FBXL7: variants seen among roughly 807,000 people sequenced by gnomAD.
The protein encoded by FBXL7 is F-box and leucine rich repeat protein 7.
In FBXL7, 12 loss-of-function variants were observed where a neutral mutation model predicts 38.3. The observed-to-expected ratio is 0.31, with a 90% CI of 0.20 to 0.51. FBXL7 has a LOEUF of 0.51. Ranked by LOEUF, FBXL7 falls within the 20% of genes least tolerant of loss-of-function variation. The probability of loss-of-function intolerance (pLI) is 0.98; values close to 1 mark genes in which losing one functional copy is unlikely to be tolerated. For missense variants in FBXL7, 567 were observed against 676.4 expected, an observed-to-expected ratio of 0.84 and a Z score of 1.79; for synonymous variants, 297 against 300.9, an observed-to-expected ratio of 0.99 and a Z score of 0.13.
At chr5:15,872,406 C>CATAACA (rs750171208) in intron 2 of FBXL7, among the ~76,000 whole-genome samples, 2,893 of 152,068 alleles carry the variant, frequency 0.019, 36 homozygotes, top group Middle Eastern at 0.027. Context: ...CAAGTTCACA[C>CATAACA]ATAACAATAA....
intron 1 of FBXL7, among the ~76,000 whole-genome samples, chr5:15,550,060 G>T: frequency 6.6e-6 from 1 of 152,324 alleles, no homozygotes; most frequent in Middle Eastern, 3.4e-3. Context: ...TGTTGCTGAA[G>T]ACCTCTTGTG....
At position 15,768,450 on chromosome 5, in the gene FBXL7, G is replaced by C. The variant is rs577117245; in HGVS notation, c.127+152378G>C. Reference sequence around the variant, plus strand: ...GGAGGCTGAGACAGGAGAATCGCTTGAATCTGAAAGGTGGAGGTCGCAGTG... The same window carrying C: ...GGAGGCTGAGACAGGAGAATCGCTTCAATCTGAAAGGTGGAGGTCGCAGTG... On this transcript the variant is annotated intron_variant, in intron 2 of 3. Coordinates refer to ENST00000504595, the MANE Select transcript of FBXL7 (RefSeq NM_012304.5). Among the ~76,000 whole-genome samples the C allele has an allele frequency of 2.7e-4, 41 of 151,778 alleles. No homozygotes were observed. The South Asian group carries it at 8.1e-3, about 30-fold the overall frequency.
At chr5:15,611,761 T>C (rs1168179730) in intron 1 of FBXL7, among the ~76,000 whole-genome samples, 2 of 151,726 alleles carry the variant, frequency 1.3e-5, no homozygotes, top group African/African-American at 2.4e-5. Context: ...GGTGGGAGGA[T>C]TGCCTGAGGC....
chr5:15,831,668 ATTG>A (rs2126774393), intron 2 of FBXL7, among the ~76,000 whole-genome samples: 1 of 152,280 alleles, frequency 6.6e-6, no homozygotes, highest in East Asian at 1.9e-4. Context: ...TCTGGGAAAC[ATTG>A]TTGGAGAACT....
intron 2 of FBXL7, among the ~76,000 whole-genome samples, chr5:15,640,542 T>TC (rs1320769523): frequency 1.3e-5 from 2 of 151,768 alleles, no homozygotes; most frequent in Non-Finnish European, 2.9e-5. Flanking sequence ...GTTTTTTTTT[T>TC]TGAGGGAGTC....
At chr5:15,802,133 C>G (rs954302661) in intron 2 of FBXL7, among the ~76,000 whole-genome samples, 3 of 152,134 alleles carry the variant, frequency 2.0e-5, no homozygotes, top group Non-Finnish European at 2.9e-5. Context: ...CAAAATCTAT[C>G]TTGGATCTTA....
chr5:15,924,215 ATTTCT>A (rs1741819593), intron 2 of FBXL7, among the ~76,000 whole-genome samples: 1 of 152,216 alleles, frequency 6.6e-6, no homozygotes, highest in Non-Finnish European at 1.5e-5. Flanking sequence ...GGGAAGTACG[ATTTCT>A]TTTCTTATGA....
chr5:15,801,783 A>G (rs942151828), intron 2 of FBXL7, among the ~76,000 whole-genome samples: 1 of 151,674 alleles, frequency 6.6e-6, no homozygotes, highest in African/African-American at 2.4e-5. Flanking sequence ...TAACACTGCT[A>G]AAGATTCTAA....
At chr5:15,767,863 GAACCTAAA>G in intron 2 of FBXL7, among the ~76,000 whole-genome samples, 1 of 152,114 alleles carries the variant, frequency 6.6e-6, no homozygotes, top group East Asian at 1.9e-4. Context: ...AATGTCTTTA[GAACCTAAA>G]ACAGGAGGAA....
intron 1 of FBXL7, among the ~76,000 whole-genome samples, chr5:15,615,555 G>T (rs2126518163): frequency 6.6e-6 from 1 of 152,300 alleles, no homozygotes; most frequent in East Asian, 1.9e-4. Context: ...GCAGCTATTT[G>T]GAGTTAGCGG....
At chr5:15,685,521 AAAAG>A (rs1197866108) in intron 2 of FBXL7, among the ~76,000 whole-genome samples, 2 of 152,194 alleles carry the variant, frequency 1.3e-5, no homozygotes, top group African/African-American at 4.8e-5. Flanking sequence ...TCAGATGTGA[AAAAG>A]AAATATGTGT....
At chr5:15,868,453 A>G (rs1181848313) in intron 2 of FBXL7, among the ~76,000 whole-genome samples, 1 of 152,164 alleles carries the variant, frequency 6.6e-6, no homozygotes, top group Non-Finnish European at 1.5e-5. Context: ...AAACTAAGAT[A>G]CCTTCTCCGG....
chr5:15,587,928 A>G (rs1251289662), intron 1 of FBXL7, among the ~76,000 whole-genome samples: 2 of 152,182 alleles, frequency 1.3e-5, no homozygotes, highest in Non-Finnish European at 2.9e-5. Context: ...GCTGTTTAGC[A>G]TATGTTTTTG....
chr5:15,820,543 T>G (rs760643570), intron 2 of FBXL7, among the ~76,000 whole-genome samples: 1 of 152,154 alleles, frequency 6.6e-6, no homozygotes, highest in Non-Finnish European at 1.5e-5. Context: ...TTCCTCCTTG[T>G]CTCCTGGATG....
At chr5:15,597,949 CAAGATTT>C (rs1739673400) in intron 1 of FBXL7, among the ~76,000 whole-genome samples, 2 of 152,154 alleles carry the variant, frequency 1.3e-5, no homozygotes, top group Non-Finnish European at 2.9e-5. Context: ...CAGTTTCAGG[CAAGATTT>C]ATTTTGCTTA....
At chr5:15,516,878 C>G (rs1736955581) in intron 1 of FBXL7, among the ~76,000 whole-genome samples, 1 of 152,152 alleles carries the variant, frequency 6.6e-6, no homozygotes, top group African/African-American at 2.4e-5. Context: ...TGTGCGTTTC[C>G]TGAGGCCTCC....
At chr5:15,750,962 A>G (rs1219994494) in intron 2 of FBXL7, among the ~76,000 whole-genome samples, 1 of 152,366 alleles carries the variant, frequency 6.6e-6, no homozygotes, top group African/African-American at 2.4e-5. Flanking sequence ...CCTACATGAC[A>G]TAAATTATTG....
Position 15,686,785 on chromosome 5 carries a change from GA to G in FBXL7, c.127+70715del, listed in dbSNP as rs369412491. Among the ~76,000 whole-genome samples, 10 of 152,146 alleles carry G rather than the reference GA, an allele frequency of 6.6e-5. No homozygotes were observed. The East Asian group carries it at 1.7e-3, about 26-fold the overall frequency. ...TGATGCTTGAAAATATAACTTTTTG[GA>G]AGGAAAATGTACCAGAAATTGTGAC... On this transcript the variant is annotated intron_variant, in intron 2 of 3. Transcript: ENST00000504595.
At chr5:15,926,614 G>A (rs887191530) in intron 2 of FBXL7, among the ~76,000 whole-genome samples, 1 of 152,014 alleles carries the variant, frequency 6.6e-6, no homozygotes, top group African/African-American at 2.4e-5. Context: ...GCATTCTAAA[G>A]AATTCTTAAT....
Sources: gnomAD v4.1 joint callset for allele counts (sites outside exome capture counted in the v4.1 genomes callset) on GRCh38, gnomAD v4.1.1 for gene constraint, MANE v1.5 for transcripts, NCBI Gene and HGNC (gene_info 2026-07-23, HGNC 2026-07-21) for gene names.